ALDH1L2: variants seen among roughly 807,000 people sequenced by gnomAD.
ALDH1L2 encodes the protein aldehyde dehydrogenase 1 family member L2, also known as mitochondrial 10-formyltetrahydrofolate dehydrogenase.
In ALDH1L2, 91 loss-of-function variants were observed where a neutral mutation model predicts 111.0. The observed-to-expected ratio is 0.82, with a 90% CI of 0.69 to 0.98. The LOEUF is 0.98. Among genes scored for constraint, ALDH1L2 ranks in the 50% least tolerant of loss-of-function variants. ALDH1L2 has a pLI of 0.00. For synonymous variants in ALDH1L2, 374 were observed against 392.6 expected (o/e 0.95, Z 0.56); for missense variants, 995 against 1,126.8 (o/e 0.88, Z 1.67).
chr12:105,079,474 A>G lies in ALDH1L2; in HGVS notation c.48+4915T>C, dbSNP rs186254305. 4.0e-3 allele frequency among the ~76,000 whole-genome samples: 613 copies of G among 152,304 alleles called. 8 individuals are homozygous for G. Among genetic ancestry groups the G allele is most frequent in the African/African-American group, 0.014 (573 of 41,558 alleles). Reference sequence around the variant, plus strand: ...AGGAGGGATGTCAGTACAGGGGCCTATGAGCAGGTGATGCCAGAGGGGGAT... The same window carrying G: ...AGGAGGGATGTCAGTACAGGGGCCTGTGAGCAGGTGATGCCAGAGGGGGAT... On this transcript the variant is annotated intron_variant, in intron 1 of 22. Coordinates refer to ENST00000258494, the MANE Select transcript of ALDH1L2 (RefSeq NM_001034173.4).
At chr12:105,051,781 C>CT (rs978529840) in intron 12 of ALDH1L2, among the ~76,000 whole-genome samples, 20 of 141,040 alleles carry the variant, frequency 1.4e-4, no homozygotes, top group African/African-American at 4.6e-4. Flanking sequence ...TGTTTTGCTT[C>CT]TTTTTTTTCC....
Position 105,084,455 on chromosome 12 carries a change from C to CA in ALDH1L2, c.-20dup. 1 of 1,420,828 alleles carries CA rather than the reference C, an allele frequency of 7.0e-7. No homozygotes were observed. Among genetic ancestry groups the CA allele is most frequent in the South Asian group, 1.5e-5 (1 of 68,358 alleles). The allele number at this position is 1,420,828 out of a possible 1,614,324, so 88.0% of individuals were successfully genotyped here. ...GCAGCATGCTGGAGAGGAGCGCTAG[C>CA]ACTGGCGACGCGGCAGCGCGGGAGG... On this transcript the variant is annotated 5_prime_UTR_variant, in exon 1 of 23. Transcript: ENST00000258494.
At chr12:105,026,025 T>G (rs1461002321) in intron 22 of ALDH1L2, among the ~76,000 whole-genome samples, 1 of 152,202 alleles carries the variant, frequency 6.6e-6, no homozygotes, top group Non-Finnish European at 1.5e-5. Flanking sequence ...CTGCTCACAG[T>G]GAATTACATT....
chr12:105,057,417 C>T (rs1419125395), intron 10 of ALDH1L2, among the ~76,000 whole-genome samples: 1 of 152,044 alleles, frequency 6.6e-6, no homozygotes, highest in African/African-American at 2.4e-5. Flanking sequence ...AGGTACATAC[C>T]CAAGAGACTT....
chr12:105,025,182 C>T (rs1427425746), intron 22 of ALDH1L2, among the ~76,000 whole-genome samples: 1 of 152,138 alleles, frequency 6.6e-6, no homozygotes, highest in African/African-American at 2.4e-5. Flanking sequence ...TGAGCTAAAA[C>T]AAGGGCTGTC....
At chr12:105,065,207 T>A in intron 6 of ALDH1L2, 60 bp downstream of exon 6, 1 of 1,032,240 alleles carries the variant, frequency 9.7e-7, no homozygotes, top group African/African-American at 1.9e-5. Flanking sequence ...TTATCTGTAA[T>A]ATCTCTTACA....
chr12:105,071,444 C>A (rs1198760174), intron 2 of ALDH1L2, among the ~76,000 whole-genome samples: 2 of 151,638 alleles, frequency 1.3e-5, no homozygotes. Flanking sequence ...AGAGCGCTGT[C>A]CCCTCCCAAA....
rs115446211 is a variant in ALDH1L2 at position 105,031,835 on chromosome 12, A to G, written c.2344T>C (p.Tyr782His). 478 of 1,614,148 alleles carry G rather than the reference A, an allele frequency of 3.0e-4. 2 individuals are homozygous for G. In the African/African-American group the frequency reaches 3.4e-3, roughly 12 times the overall value. Residue 782 changes from tyrosine to histidine, a missense_variant, in exon 20 of 23, where the codon TAC becomes CAC. By Grantham distance (83) the Tyr-to-His change is moderately conservative (BLOSUM62 2). Transcript: ENST00000258494. The stretch of plus-strand genomic sequence containing the variant: ...CCTTCTTTCACTCCAGTTTCACAGT[A>G]TTGCAGCAGCTTTTCCAGATGAGCC... ...HKAHLEKLLQ[Y>H]CETGVKEGAT...
rs1220238193 is a variant in ALDH1L2 at position 105,022,463 on chromosome 12, C to A, written c.*1961G>T. 6.6e-6 allele frequency: 1 copy of A among 152,186 alleles called. No homozygotes were observed. Among genetic ancestry groups the A allele is most frequent in the African/African-American group, 2.4e-5 (1 of 41,452 alleles). 9.4% of individuals were successfully genotyped at this position (152,186 alleles called of 1,614,324 possible). Reference sequence around the variant, plus strand: ...TGAATATTAGAGGGTAAAGTAAAATCAGTCTAGAAGGACAGGCATGTTTTT... The same window carrying A: ...TGAATATTAGAGGGTAAAGTAAAATAAGTCTAGAAGGACAGGCATGTTTTT... On this transcript the variant is annotated 3_prime_UTR_variant, in exon 23 of 23. Transcript: ENST00000258494.
rs1877514419 is a variant in ALDH1L2 at position 105,068,722 on chromosome 12, G to T, written c.591C>A (p.Ala197=). Residue 197 remains alanine (A), a synonymous_variant, in exon 4 of 23, where the codon GCC becomes GCA. Coordinates refer to ENST00000258494, the MANE Select transcript of ALDH1L2 (RefSeq NM_001034173.4). ...CTGGGTGGCAAAATATACTAACCAT[G>T]GCCTTGATTCCTTCAGGAAAAAGAA... The part of the protein sequence containing the change: ...NRFLFPEGIK[A]MVEAVQLIAD... The T allele has an allele frequency of 6.7e-7, 1 of 1,500,252 alleles. No individual in the cohort carries two copies. Among genetic ancestry groups the T allele is most frequent in the Non-Finnish European group, 8.9e-7 (1 of 1,124,728 alleles). 92.9% of individuals were successfully genotyped at this position (1,500,252 alleles called of 1,614,324 possible).
intron 10 of ALDH1L2, 123 bp from the exon 11 acceptor site, chr12:105,053,054 G>A (rs892876509): frequency 1.6e-5 from 18 of 1,148,756 alleles, no homozygotes; most frequent in Admixed American, 2.2e-5. Context: ...AGTTCCGACT[G>A]TACAGAAGAC....
intron 16 of ALDH1L2, among the ~76,000 whole-genome samples, chr12:105,040,349 TTGAAAA>T (rs1360282199): frequency 6.6e-6 from 1 of 152,100 alleles, no homozygotes; most frequent in Non-Finnish European, 1.5e-5. Flanking sequence ...AGAGTAGTTT[TTGAAAA>T]TCAAAATGGA....
In ALDH1L2 at chr12:105,073,941, T is replaced by C; in HGVS notation, c.113A>G (p.Tyr38Cys). The change falls in exon 2 of 23, where the codon TAT becomes TGT. Residue 38 changes from tyrosine (Y) to cysteine (C), a missense_variant. Coordinates refer to ENST00000258494, the MANE Select transcript of ALDH1L2 (RefSeq NM_001034173.4). ...IGQSLFGQEV[Y>C]SHLRKEGHRV... ...GTGGCCCTCTTTGCGGAGGTGGCTATAGACTTCTTGTCCAAAGAGGCTCTG... is the reference window on the plus strand; with the variant it reads ...GTGGCCCTCTTTGCGGAGGTGGCTACAGACTTCTTGTCCAAAGAGGCTCTG... 2 of 1,614,210 alleles carry C rather than the reference T, an allele frequency of 1.2e-6. No individual in the cohort carries two copies. The highest frequency in any genetic ancestry group is 1.7e-6 in the Non-Finnish European group (2 of 1,180,034).
chr12:105,058,798 T>G (rs1876794498), intron 9 of ALDH1L2, among the ~76,000 whole-genome samples: 1 of 152,192 alleles, frequency 6.6e-6, no homozygotes, highest in South Asian at 2.1e-4. Context: ...AGCAGTGGTG[T>G]ACGAGGTACA....
At chr12:105,027,274 C>G (rs1473115803) in intron 21 of ALDH1L2, among the ~76,000 whole-genome samples, 1 of 152,214 alleles carries the variant, frequency 6.6e-6, no homozygotes, top group Non-Finnish European at 1.5e-5. Flanking sequence ...CATGCAACAC[C>G]TTTCAAAATC....
Position 105,062,949 on chromosome 12 carries a change from G to T in ALDH1L2, c.860C>A (p.Ala287Asp), listed in dbSNP as rs553288606. Residue 287 changes from alanine (A) to aspartate (D), a missense_variant, in exon 7 of 23, where the codon GCC (alanine) becomes GAC (aspartate). Ala to Asp is a moderately radical substitution (Grantham distance 126, BLOSUM62 -2). Transcript: ENST00000258494. Reference sequence around the variant, plus strand: ...TTTGGTAACGAGACCAGGCTTCTTGGCACCTTTAATTTCCAGTGGTTCTCC... The same window carrying T: ...TTTGGTAACGAGACCAGGCTTCTTGTCACCTTTAATTTCCAGTGGTTCTCC... ...PPGEPLEIKG[A>D]KKPGLVTKNG... 6.2e-7 allele frequency: 1 copy of T among 1,614,030 alleles called. No homozygotes were observed. Among genetic ancestry groups the T allele is most frequent in the South Asian group, 1.1e-5 (1 of 91,062 alleles).
chr12:105,033,685 G>A (rs944697236), intron 19 of ALDH1L2, among the ~76,000 whole-genome samples: 12 of 152,168 alleles, frequency 7.9e-5, no homozygotes, highest in Admixed American at 7.2e-4. Flanking sequence ...TCCTATAGAT[G>A]ACTTTTAGTC....
intron 3 of ALDH1L2, 118 bp downstream of exon 3, chr12:105,070,452 C>A (rs1191279956): frequency 2.4e-6 from 2 of 835,326 alleles, no homozygotes; most frequent in Non-Finnish European, 1.8e-6. Flanking sequence ...ATCCTGAAAT[C>A]TCAGCTACTT....
At position 105,047,366 on chromosome 12, in the gene ALDH1L2, C is replaced by T. The variant is rs1447544643; in HGVS notation, c.1687-397G>A. 4.3e-5 allele frequency: 9 copies of T among 207,372 alleles called. No homozygotes were observed. In the Admixed American group the frequency reaches 4.7e-4, roughly 11 times the overall value. 12.8% of individuals were successfully genotyped at this position (207,372 alleles called of 1,614,324 possible). ...GTCAGTGGAAGATACAAGCACAAGG[C>T]ATTGGAAGGGGAATGCTACTTAAAC... On this transcript the variant is annotated intron_variant, in intron 13 of 22. Coordinates refer to ENST00000258494, the MANE Select transcript of ALDH1L2 (RefSeq NM_001034173.4).
Sources: gnomAD v4.1 joint callset for allele counts (sites outside exome capture counted in the v4.1 genomes callset) on GRCh38, gnomAD v4.1.1 for gene constraint, MANE v1.5 for transcripts, NCBI Gene and HGNC (gene_info 2026-07-23, HGNC 2026-07-21) for gene names.